The following CLASP2 variants were observed in gnomAD, a reference collection of about 807,000 sequenced individuals.
CLASP2 encodes cytoplasmic linker associated protein 2.
Under a neutral mutation model 194.4 loss-of-function variants are expected in CLASP2, and 47 were observed. That is an observed-to-expected ratio of 0.24 (90% confidence interval 0.19 to 0.31). The LOEUF (loss-of-function observed/expected upper bound fraction) is 0.31, where lower values mean the gene tolerates loss of function less well. CLASP2 is among the 10% of genes least tolerant of loss of function. The pLI is 1.00. For missense variants in CLASP2, 1,445 were observed against 1,823.6 expected (o/e 0.79, Z 3.78); for synonymous variants, 619 against 633.5 (o/e 0.98, Z 0.34).
chr3:33,659,177 T>A (rs1453622170), intron 7 of CLASP2: 1 of 1,376,424 alleles, frequency 7.3e-7, no homozygotes, highest in Admixed American at 3.1e-5. Context: ...AATAAAAGTC[T>A]GGGGTCTTGC....
chr3:33,596,236 TGTTA>T (rs1353078616), intron 19 of CLASP2, among the ~76,000 whole-genome samples: 3 of 152,106 alleles, frequency 2.0e-5, no homozygotes, highest in African/African-American at 7.2e-5. Flanking sequence ...TTTGACTAAA[TGTTA>T]GTTTACAACG....
At chr3:33,628,853 A>C (rs577928251) in intron 9 of CLASP2, among the ~76,000 whole-genome samples, 1 of 152,262 alleles carries the variant, frequency 6.6e-6, no homozygotes. Context: ...AATATTCAAC[A>C]GGCAAGTAGA....
At chr3:33,524,148 T>C (rs1159305516) in intron 34 of CLASP2, among the ~76,000 whole-genome samples, 1 of 152,120 alleles carries the variant, frequency 6.6e-6, no homozygotes, top group Non-Finnish European at 1.5e-5. Context: ...AGACAGAGAT[T>C]AGCAGACTGG....
In CLASP2 at chr3:33,647,738, AAAG is replaced by A. The variant is rs2082507498; in HGVS notation, c.716-2838_716-2836del. 3.9e-5 allele frequency among the ~76,000 whole-genome samples: 6 copies of A among 152,180 alleles called. No homozygotes were observed. The South Asian group carries it at 1.2e-3, about 31-fold the overall frequency. On this transcript the variant is annotated intron_variant, in intron 7 of 38. Coordinates refer to ENST00000682230, the MANE Select transcript of CLASP2 (RefSeq NM_001365631.1). The stretch of plus-strand genomic sequence containing the variant: ...AATCTCTGCTCTAGGCTAACTACTA[AAAG>A]AAGAGTAAGTAGGCCGGGCGCGGTG...
rs780380755 is a variant in CLASP2, at chr3:33,711,424, CT to C, written c.195+6383del. 6.9e-3 allele frequency among the ~76,000 whole-genome samples: 943 copies of C among 135,980 alleles called. 2 individuals carry two copies. Among genetic ancestry groups the C allele is most frequent in the African/African-American group, 6.7e-3 (250 of 37,278 alleles). 89.2% of individuals were successfully genotyped at this position (135,980 alleles called of 152,430 possible). On this transcript the variant is annotated intron_variant, in intron 1 of 38. Coordinates refer to ENST00000682230, the MANE Select transcript of CLASP2 (RefSeq NM_001365631.1). Reference sequence around the variant, plus strand: ...CCATACCTGGCTAATTTTTTTATTTCTTTTTTTTTTTTTTTGGTAGAGACAG... The same window carrying C: ...CCATACCTGGCTAATTTTTTTATTTCTTTTTTTTTTTTTTGGTAGAGACAG...
At chr3:33,517,291 G>T in intron 34 of CLASP2, 117 bp from the exon 35 acceptor site, 3 of 793,872 alleles carry the variant, frequency 3.8e-6, no homozygotes, top group Non-Finnish European at 5.5e-6. Context: ...CTGTAAAAAA[G>T]ACAAAGAAAA....
intron 12 of CLASP2, among the ~76,000 whole-genome samples, chr3:33,612,976 T>G (rs1184195234): frequency 1.3e-5 from 2 of 152,128 alleles, no homozygotes; most frequent in African/African-American, 4.8e-5. Flanking sequence ...GTTCAGTAGG[T>G]TGACTATGGT....
At chr3:33,530,254 T>C (rs1480001559) in intron 34 of CLASP2, among the ~76,000 whole-genome samples, 1 of 152,080 alleles carries the variant, frequency 6.6e-6, no homozygotes. Context: ...GCAGGCAGAC[T>C]GCTTGAGCCC....
chr3:33,716,196 T>A (rs1436502664), intron 1 of CLASP2, among the ~76,000 whole-genome samples: 1 of 152,122 alleles, frequency 6.6e-6, no homozygotes, highest in African/African-American at 2.4e-5. Context: ...CTATGGCAGT[T>A]CTCTTCTGAC....
At chr3:33,508,095 G>C (rs1270783172) in intron 37 of CLASP2, among the ~76,000 whole-genome samples, 1 of 151,480 alleles carries the variant, frequency 6.6e-6, no homozygotes, top group African/African-American at 2.4e-5. Flanking sequence ...CCCAGGCTCA[G>C]GTGATTCTCC....
intron 13 of CLASP2, among the ~76,000 whole-genome samples, chr3:33,610,846 C>T (rs1041906713): frequency 2.0e-5 from 3 of 152,190 alleles, no homozygotes; most frequent in African/African-American, 7.2e-5. Flanking sequence ...AAGTTTGAAC[C>T]ACTTCAAATA....
At chr3:33,679,511 T>TA (rs1467596128) in intron 6 of CLASP2, among the ~76,000 whole-genome samples, 1 of 151,908 alleles carries the variant, frequency 6.6e-6, no homozygotes, top group Non-Finnish European at 1.5e-5. Flanking sequence ...CTTCCCAAAA[T>TA]AAAAAAAGAA....
intron 6 of CLASP2, among the ~76,000 whole-genome samples, chr3:33,674,127 C>G (rs1255396883): frequency 6.6e-6 from 1 of 152,204 alleles, no homozygotes; most frequent in Non-Finnish European, 1.5e-5. Flanking sequence ...CACCCCAAAT[C>G]AACAGAATAT....
intron 9 of CLASP2, among the ~76,000 whole-genome samples, chr3:33,631,245 G>T (rs1308168032): frequency 6.6e-6 from 1 of 152,184 alleles, no homozygotes; most frequent in African/African-American, 2.4e-5. Flanking sequence ...GATGAAATTA[G>T]AACTATCATA....
rs994387583 is a variant in CLASP2, at chr3:33,497,222, A to G, written c.*1409T>C. ...TTAAATTCTTTACATATATTTCTAC[A>G]TTTTTTTCAGTTAAACAAAGTACAG... On this transcript the variant is annotated 3_prime_UTR_variant, in exon 39 of 39. Coordinates refer to ENST00000682230, the MANE Select transcript of CLASP2 (RefSeq NM_001365631.1). 9.2e-5 allele frequency: 14 copies of G among 152,590 alleles called. No homozygotes were observed. Among genetic ancestry groups the G allele is most frequent in the African/African-American group, 2.9e-4 (12 of 41,554 alleles). The allele number at this position is 152,590 out of a possible 1,614,324, so 9.5% of individuals were successfully genotyped here. A position where few individuals can be genotyped will look rare whatever the true frequency, so the allele number is the denominator to read the frequency against.
rs765566190 is a variant in CLASP2 at position 33,611,984 on chromosome 3, CA to C, written c.1388+16del. The C allele has an allele frequency of 3.2e-6, 5 of 1,571,816 alleles. No individual in the cohort carries two copies. The highest frequency in any genetic ancestry group is 1.7e-5 in the Admixed American group (1 of 58,460). ...AGAGCTATACTAACAACAACAACAA[CA>C]AAAAATTAAACTTACCTCCTCACGG... is the stretch of plus-strand genomic sequence containing the variant. On this transcript the variant is annotated intron_variant, in intron 13 of 38. Transcript: ENST00000682230.
intron 37 of CLASP2, among the ~76,000 whole-genome samples, chr3:33,506,665 ATGGTG>A (rs1168504978): frequency 4.6e-5 from 7 of 152,038 alleles, no homozygotes; most frequent in Non-Finnish European, 8.8e-5. Flanking sequence ...ATTTCTGTAT[ATGGTG>A]TGAGGTAGGG....
rs907568015 is a variant in CLASP2, at chr3:33,517,474, C to T, written c.3788-300G>A. Among the ~76,000 whole-genome samples, 4 of 152,134 alleles carry T rather than the reference C, an allele frequency of 2.6e-5. No individual in the cohort carries two copies. The East Asian group carries it at 7.7e-4, about 29-fold the overall frequency. On this transcript the variant is annotated intron_variant, in intron 34 of 38. Transcript: ENST00000682230. ...TTTACCATTCTTACGTCATCTTTGT[C>T]CCCTCTTCCCTTTTATCTGAAGTAT... is the stretch of plus-strand genomic sequence containing the variant.
intron 18 of CLASP2, 85 bp downstream of exon 18, chr3:33,602,867 A>G (rs1489358702): frequency 1.6e-6 from 2 of 1,270,534 alleles, no homozygotes; most frequent in African/African-American, 1.5e-5. Flanking sequence ...ACAAGAATGA[A>G]TAGAAATGAT....
Sources: allele counts gnomAD v4.1 joint callset (sites outside exome capture counted in the v4.1 genomes callset), GRCh38; gene constraint gnomAD v4.1.1; transcripts MANE v1.5; gene names NCBI Gene and HGNC (gene_info 2026-07-23, HGNC 2026-07-21).